The following PBRM1 variants were observed in gnomAD, a reference collection of about 807,000 sequenced individuals.
The protein encoded by PBRM1 is protein polybromo-1.
PBRM1 carries 27 observed loss-of-function variants against 194.5 expected under a neutral mutation model. The observed-to-expected ratio is 0.14, with a 90% CI of 0.10 to 0.19. PBRM1 has a LOEUF of 0.19. Among genes scored for constraint, PBRM1 ranks in the 10% least tolerant of loss-of-function variants. The probability of loss-of-function intolerance (pLI) is 1.00; values close to 1 mark genes in which losing one functional copy is unlikely to be tolerated. For synonymous variants in PBRM1, 655 were observed against 693.2 expected, an observed-to-expected ratio of 0.94 and a Z score of 0.87; for missense variants, 1,466 against 2,077.2, an observed-to-expected ratio of 0.71 and a Z score of 5.72.
At chr3:52,565,530 T>A (rs1376057241) in intron 22 of PBRM1, among the ~76,000 whole-genome samples, 1 of 149,186 alleles carries the variant, frequency 6.7e-6, no homozygotes, top group Non-Finnish European at 1.5e-5. Flanking sequence ...AGGGGCTTTA[T>A]CAAAATTAAG....
At chr3:52,563,290 G>A (rs1232942838) in exon 24 of PBRM1, 1 of 1,613,048 alleles carries the variant, frequency 6.2e-7, no homozygotes, top group Admixed American at 1.7e-5. Context: ...CACCTGTGGG[G>A]GTGTGTAGGG....
chr3:52,620,385 C>T (rs2095218946), intron 13 of PBRM1, among the ~76,000 whole-genome samples: 1 of 152,170 alleles, frequency 6.6e-6, no homozygotes, highest in African/African-American at 2.4e-5. Context: ...ATAAACAGGA[C>T]AGGATGAAAT....
chr3:52,610,459 T>G (rs141338608), intron 15 of PBRM1, among the ~76,000 whole-genome samples: 10 of 152,352 alleles, frequency 6.6e-5, no homozygotes, highest in African/African-American at 2.4e-4. Flanking sequence ...AGTAGCAGTA[T>G]AGCCCACATT....
chr3:52,600,546 G>A (rs116063014), intron 17 of PBRM1, among the ~76,000 whole-genome samples: 6 of 152,210 alleles, frequency 3.9e-5, no homozygotes, highest in African/African-American at 1.4e-4. Flanking sequence ...ATTTGATAAA[G>A]TTCTCATTCA....
intron 17 of PBRM1, among the ~76,000 whole-genome samples, chr3:52,591,423 T>C (rs1010084676): frequency 3.3e-5 from 5 of 152,246 alleles, no homozygotes; most frequent in Admixed American, 2.6e-4. Flanking sequence ...TTTAGAAGTA[T>C]GTTTCTTTAA....
upstream of PBRM1, among the ~76,000 whole-genome samples, chr3:52,683,655 A>T (rs1404257390): frequency 6.6e-6 from 1 of 151,946 alleles, no homozygotes; most frequent in Non-Finnish European, 1.5e-5. Flanking sequence ...CTCTATCAAA[A>T]ATACAAAAAA....
intron 17 of PBRM1, among the ~76,000 whole-genome samples, chr3:52,601,680 G>A (rs1334830163): frequency 6.6e-6 from 1 of 152,152 alleles, no homozygotes; most frequent in Non-Finnish European, 1.5e-5. Context: ...GGGCCCCAGA[G>A]TGGTGTATAC....
At chr3:52,553,691 T>C (rs2081545364) in intron 27 of PBRM1, among the ~76,000 whole-genome samples, 1 of 136,760 alleles carries the variant, frequency 7.3e-6, no homozygotes, top group Non-Finnish European at 1.6e-5. Context: ...TGACACGGAG[T>C]CTTGCTGTCG....
At chr3:52,571,366 G>T in intron 22 of PBRM1, among the ~76,000 whole-genome samples, 1 of 149,202 alleles carries the variant, frequency 6.7e-6, no homozygotes, top group Non-Finnish European at 1.5e-5. Context: ...GGTGGCTCAC[G>T]TCTGTAATCC....
chr3:52,685,877 T>A, upstream of PBRM1: 1 of 544,164 alleles, frequency 1.8e-6, no homozygotes, highest in Non-Finnish European at 3.2e-6. Flanking sequence ...CCCGCCGCCC[T>A]CACCTCCCTT....
chr3:52,634,780 T>C, exon 11 of PBRM1: 1 of 1,614,078 alleles, frequency 6.2e-7, no homozygotes, highest in Non-Finnish European at 8.5e-7. Context: ...GAAGTGATGC[T>C]TTCTGCTTCT....
At chr3:52,562,537 CTTT>C (rs61349809) in intron 24 of PBRM1, among the ~76,000 whole-genome samples, 4 of 108,206 alleles carry the variant, frequency 3.7e-5, no homozygotes, top group Admixed American at 9.2e-5. Context: ...TGAGAAAATT[CTTT>C]TTTTTTTTTT....
chr3:52,612,727 A>G (rs549892644), intron 15 of PBRM1, among the ~76,000 whole-genome samples: 1 of 152,214 alleles, frequency 6.6e-6, no homozygotes, highest in Admixed American at 6.5e-5. Flanking sequence ...AACATGGTGA[A>G]GCCCTGTCTC....
chr3:52,561,967 G>T (rs2153495415), exon 25 of PBRM1: 1 of 1,612,194 alleles, frequency 6.2e-7, no homozygotes, highest in East Asian at 2.2e-5. Context: ...CTTTGGGGTA[G>T]ACTGTAAGAC....
chr3:52,548,541 C>G (rs947880748), intron 29 of PBRM1, among the ~76,000 whole-genome samples: 3 of 152,020 alleles, frequency 2.0e-5, no homozygotes, highest in Non-Finnish European at 2.9e-5. Flanking sequence ...ATTCTCCTGC[C>G]TCAGGCTCCA....
chr3:52,602,658 T>C (rs930342765), intron 17 of PBRM1, among the ~76,000 whole-genome samples: 8 of 152,216 alleles, frequency 5.3e-5, no homozygotes, highest in African/African-American at 1.9e-4. Flanking sequence ...GGCAAAGTCA[T>C]AGATTCCCCT....
intron 22 of PBRM1, among the ~76,000 whole-genome samples, chr3:52,565,654 C>T (rs986443650): frequency 2.6e-5 from 4 of 151,820 alleles, no homozygotes; most frequent in African/African-American, 9.7e-5. Flanking sequence ...TATATTCCTA[C>T]AACTCAACAT....
At chr3:52,668,583 T>C (rs1227735355) in exon 3 of PBRM1, 1 of 1,605,998 alleles carries the variant, frequency 6.2e-7, no homozygotes, top group Non-Finnish European at 8.5e-7. Flanking sequence ...CATTTTTAGT[T>C]TCTGTTGGAT....
At chr3:52,603,630 T>A (rs1192083126) in exon 17 of PBRM1, 1 of 1,613,760 alleles carries the variant, frequency 6.2e-7, no homozygotes. Flanking sequence ...TATAGCTGAG[T>A]GCCGGTGAAA....
Sources: allele counts gnomAD v4.1 joint callset (sites outside exome capture counted in the v4.1 genomes callset), GRCh38; gene constraint gnomAD v4.1.1; transcripts MANE v1.5; gene names NCBI Gene and HGNC (gene_info 2026-07-23, HGNC 2026-07-21).